The following LOC400499 variants were observed in gnomAD, a reference collection of about 807,000 sequenced individuals.
chr16:11,381,032 G>T, the LOC400499 span: 23 of 152,730 alleles, frequency 1.5e-4, no homozygotes, highest in African/African-American at 5.3e-4. Context: ...TCACATTTTT[G>T]GTACTAGAAC....
chr16:11,442,344 CTGAG>C, the LOC400499 span: 4 of 152,472 alleles, frequency 2.6e-5, no homozygotes, highest in African/African-American at 9.6e-5. Context: ...CCTCAGCCTC[CTGAG>C]TAACTGGGAT....
chr16:11,401,116 C>T, the LOC400499 span: 5 of 397,564 alleles, frequency 1.3e-5, no homozygotes, highest in African/African-American at 1.0e-4. Flanking sequence ...CAGAGATCCC[C>T]AGGCTTCAGG....
chr16:11,482,984 C>G, the LOC400499 span, among the ~76,000 whole-genome samples: 1 of 150,710 alleles, frequency 6.6e-6, no homozygotes, highest in Non-Finnish European at 1.5e-5. Flanking sequence ...AACAAGCCAA[C>G]AAAATAAGAT....
the LOC400499 span, among the ~76,000 whole-genome samples, chr16:11,482,991 A>C: frequency 6.6e-6 from 1 of 152,224 alleles, no homozygotes; most frequent in South Asian, 2.1e-4. Context: ...CAACAAAATA[A>C]GATGAGCAAA....
chr16:11,471,797 G>A, the LOC400499 span: 5 of 399,132 alleles, frequency 1.3e-5, no homozygotes, highest in Middle Eastern at 6.3e-4. Context: ...GTGCACAGTC[G>A]CCAGCCCCAG....
chr16:11,396,096 G>A, the LOC400499 span, among the ~76,000 whole-genome samples: 2 of 152,340 alleles, frequency 1.3e-5, no homozygotes, highest in African/African-American at 2.4e-5. Context: ...ACTGCTCTAA[G>A]CGATCTATGC....
chr16:11,406,728 G>A, the LOC400499 span, among the ~76,000 whole-genome samples: 15 of 152,334 alleles, frequency 9.8e-5, no homozygotes, highest in South Asian at 1.9e-3. Flanking sequence ...CACCGTGCCC[G>A]GCCTTCCCCC....
the LOC400499 span, chr16:11,493,784 G>A: frequency 7.7e-6 from 3 of 387,518 alleles, no homozygotes; most frequent in East Asian, 1.1e-4. Context: ...ACTGCCTTCA[G>A]CACAAGCTGG....
chr16:11,492,747 C>T, the LOC400499 span, among the ~76,000 whole-genome samples: 566 of 151,032 alleles, frequency 3.7e-3, 5 homozygotes, highest in African/African-American at 0.013. Flanking sequence ...ATGGTGACAC[C>T]GCACTCCAGC....
the LOC400499 span, chr16:11,411,290 A>G: frequency 7.5e-6 from 3 of 399,230 alleles, no homozygotes; most frequent in African/African-American, 2.1e-5. Context: ...CCCAGGAGGA[A>G]GGGGAGGCGA....
the LOC400499 span, chr16:11,448,204 C>T: frequency 9.2e-6 from 11 of 1,197,682 alleles, no homozygotes; most frequent in African/African-American, 1.4e-4. Flanking sequence ...CCGAGAATGG[C>T]TACTGAACTG....
At chr16:11,512,664 T>C in the LOC400499 span, among the ~76,000 whole-genome samples, 5 of 152,264 alleles carry the variant, frequency 3.3e-5, no homozygotes, top group African/African-American at 1.2e-4. Context: ...ACTCTGAATA[T>C]ACTAAAAACC....
the LOC400499 span, among the ~76,000 whole-genome samples, chr16:11,452,038 T>C: frequency 0.022 from 3,407 of 152,200 alleles, 44 homozygotes; most frequent in Non-Finnish European, 0.038. Flanking sequence ...GCCCCACCTA[T>C]GTATAGCGCC....
the LOC400499 span, among the ~76,000 whole-genome samples, chr16:11,493,414 G>A: frequency 6.6e-6 from 1 of 152,144 alleles, no homozygotes; most frequent in African/African-American, 2.4e-5. Flanking sequence ...GTACTAGAGG[G>A]GGCACAGATG....
At chr16:11,397,741 T>TGGAG in the LOC400499 span, among the ~76,000 whole-genome samples, 122 of 70,054 alleles carry the variant, frequency 1.7e-3, 6 homozygotes, top group Middle Eastern at 0.032. Context: ...GTCCTTGGGA[T>TGGAG]GGAGGGAGGG....
chr16:11,502,191 G>C, the LOC400499 span: 9 of 398,976 alleles, frequency 2.3e-5, no homozygotes, highest in African/African-American at 4.1e-5. Context: ...CTGCGATTCA[G>C]AGGGGGCAGC....
At chr16:11,409,305 G>A in the LOC400499 span, among the ~76,000 whole-genome samples, 2 of 151,910 alleles carry the variant, frequency 1.3e-5, no homozygotes, top group Non-Finnish European at 2.9e-5. Context: ...TAAAACATTG[G>A]GTAAGGAAGG....
At chr16:11,502,917 C>CTTT in the LOC400499 span, among the ~76,000 whole-genome samples, 554 of 97,996 alleles carry the variant, frequency 5.7e-3, 20 homozygotes, top group African/African-American at 0.021. Flanking sequence ...CCTGGACCAC[C>CTTT]TTTTTTTTTT....
chr16:11,379,534 G>C, the LOC400499 span, among the ~76,000 whole-genome samples: 1 of 152,160 alleles, frequency 6.6e-6, no homozygotes, highest in Non-Finnish European at 1.5e-5. Flanking sequence ...TCTGATGGTG[G>C]AATTCATTTG....
Sources: allele counts gnomAD v4.1 joint callset (sites outside exome capture counted in the v4.1 genomes callset), GRCh38; gene constraint gnomAD v4.1.1; transcripts MANE v1.5.